Variants in ZNF365 observed in about 807,000 individuals in gnomAD.
ZNF365 encodes the protein protein ZNF365.
A neutral mutation model predicts 35.0 loss-of-function variants in ZNF365; 22 were observed. The ratio of observed to expected loss-of-function variants is 0.63; its 90% CI spans 0.45 to 0.90. The LOEUF is 0.90. Among genes scored for constraint, ZNF365 ranks in the 40% least tolerant of loss-of-function variants. ZNF365 has a pLI of 0.00. For synonymous variants in ZNF365, 188 were observed against 196.2 expected, an observed-to-expected ratio of 0.96 and a Z score of 0.35; for missense variants, 448 against 500.3, an observed-to-expected ratio of 0.90 and a Z score of 1.00.
chr10:62,385,929 C>T (rs1022653815), intron 2 of ZNF365, among the ~76,000 whole-genome samples: 3 of 151,808 alleles, frequency 2.0e-5, no homozygotes, highest in African/African-American at 7.3e-5. Context: ...TGGTTGTTTG[C>T]CCTGTAAGTA....
chr10:62,417,561 T>A (rs1247494491), intron 3 of ZNF365, among the ~76,000 whole-genome samples: 5 of 152,086 alleles, frequency 3.3e-5, no homozygotes, highest in African/African-American at 1.2e-4. Flanking sequence ...TCAGATCTCT[T>A]TCTCCAACTT....
chr10:62,475,126 G>A (rs187947661), intron 4 of ZNF365, among the ~76,000 whole-genome samples: 80 of 152,214 alleles, frequency 5.3e-4, no homozygotes, highest in Non-Finnish European at 8.2e-4. Flanking sequence ...TTCAGGCCAC[G>A]GTCAGCTCCT....
intron 2 of ZNF365, among the ~76,000 whole-genome samples, chr10:62,383,951 A>T (rs1374980142): frequency 6.6e-6 from 1 of 151,698 alleles, no homozygotes; most frequent in Non-Finnish European, 1.5e-5. Flanking sequence ...TATCCATCTG[A>T]CAGATTTCCA....
intron 3 of ZNF365, among the ~76,000 whole-genome samples, chr10:62,389,515 C>T (rs1839589361): frequency 6.6e-6 from 1 of 151,698 alleles, no homozygotes; most frequent in African/African-American, 2.4e-5. Context: ...AACATTTATG[C>T]CGATCAAAAG....
intron 3 of ZNF365, among the ~76,000 whole-genome samples, chr10:62,407,575 GTCTCCTCTCC>G (rs3081228): frequency 1.5e-3 from 225 of 151,472 alleles, no homozygotes; most frequent in African/African-American, 5.1e-3. Flanking sequence ...GGATTTGAGG[GTCTCCTCTCC>G]TCTCCTCTCC....
intron 3 of ZNF365, among the ~76,000 whole-genome samples, chr10:62,423,655 C>T (rs1046904972): frequency 7.9e-5 from 12 of 152,170 alleles, no homozygotes; most frequent in Non-Finnish European, 1.3e-4. Flanking sequence ...ATGAGGGTAG[C>T]GTAGGTGACA....
chr10:62,402,035 G>A lies in ZNF365; in HGVS notation c.*2246G>A. The A allele has an allele frequency of 5.1e-6, 5 of 985,648 alleles. No homozygotes were observed. The highest frequency in any genetic ancestry group is 6.0e-6 in the Non-Finnish European group (5 of 829,906). 61.1% of individuals were successfully genotyped at this position (985,648 alleles called of 1,614,324 possible). A position where few individuals can be genotyped will look rare whatever the true frequency, so the allele number is the denominator to read the frequency against. On this transcript the variant is annotated 3_prime_UTR_variant, in exon 5 of 5. Coordinates refer to ENST00000395254, the MANE Select transcript of ZNF365 (RefSeq NM_014951.3). The stretch of plus-strand genomic sequence containing the variant: ...AACATGGGAGATGGCTTACTCAGAA[G>A]CATACTCCACTTAACATACCATGGC...
intron 3 of ZNF365, among the ~76,000 whole-genome samples, chr10:62,443,741 C>G (rs2203618): frequency 6.6e-6 from 1 of 152,124 alleles, no homozygotes; most frequent in Admixed American, 6.6e-5. Context: ...GTGCTCAGAA[C>G]CCCCACATTG....
At position 62,376,493 on chromosome 10, in the gene ZNF365, C is replaced by G; in HGVS notation, c.300C>G (p.Asn100Lys). Residue 100 changes from asparagine (N) to lysine (K), a missense_variant, in exon 2 of 5, where the codon AAC becomes AAG. Physicochemically the swap from Asn to Lys is moderately conservative, Grantham distance 94. Coordinates refer to ENST00000395254, the MANE Select transcript of ZNF365 (RefSeq NM_014951.3). ...TAAAGCAGAAACCGAGCTATGTTAA[C>G]TTGTACAGCATTTCACATGAACATT... Reference protein sequence around the residue: ...NVVKQKPSYVNLYSISHEHSK... With the variant: ...NVVKQKPSYVKLYSISHEHSK... 1 of 1,614,144 alleles carries G rather than the reference C, an allele frequency of 6.2e-7. No individual in the cohort carries two copies.
chr10:62,385,645 G>A (rs1013679488), intron 2 of ZNF365, among the ~76,000 whole-genome samples: 1 of 152,108 alleles, frequency 6.6e-6, no homozygotes, highest in Non-Finnish European at 1.5e-5. Context: ...TTGCTTCTGA[G>A]TGGTGGGATT....
chr10:62,480,008 C>T, exon 5 of ZNF365: 4 of 1,531,132 alleles, frequency 2.6e-6, no homozygotes, highest in African/African-American at 2.8e-5. Flanking sequence ...GCATGTTTTA[C>T]ACTCCAGGAA....
At chr10:62,459,605 T>C in intron 3 of ZNF365, 2 of 997,906 alleles carry the variant, frequency 2.0e-6, no homozygotes, top group Non-Finnish European at 2.9e-6. Flanking sequence ...GCAATTTCTG[T>C]TTCTAGCCTG....
At chr10:62,478,116 G>T (rs763889657) in intron 4 of ZNF365, among the ~76,000 whole-genome samples, 6 of 152,168 alleles carry the variant, frequency 3.9e-5, no homozygotes, top group Non-Finnish European at 7.4e-5. Context: ...ATCTTCAGGT[G>T]ATAGGAGACA....
intron 3 of ZNF365, among the ~76,000 whole-genome samples, chr10:62,397,728 A>G (rs1249929033): frequency 2.0e-5 from 3 of 152,176 alleles, no homozygotes; most frequent in Admixed American, 6.5e-5. Context: ...TGTTCTTCAT[A>G]TTCTCTCATT....
At chr10:62,419,952 G>C (rs967104935) in intron 3 of ZNF365, among the ~76,000 whole-genome samples, 1 of 151,798 alleles carries the variant, frequency 6.6e-6, no homozygotes, top group Non-Finnish European at 1.5e-5. Context: ...ATCAATTCCT[G>C]GTTTGCTAAG....
At chr10:62,379,498 G>C (rs533711272) in intron 2 of ZNF365, among the ~76,000 whole-genome samples, 1 of 151,476 alleles carries the variant, frequency 6.6e-6, no homozygotes, top group African/African-American at 2.4e-5. Flanking sequence ...ATCAGTTTCT[G>C]TATTCAGGCC....
chr10:62,468,683 C>G (rs1476301562), intron 4 of ZNF365, among the ~76,000 whole-genome samples: 3 of 152,144 alleles, frequency 2.0e-5, no homozygotes, highest in South Asian at 2.1e-4. Context: ...GAAGATGAAG[C>G]CTTCAGCGGC....
intron 3 of ZNF365, among the ~76,000 whole-genome samples, chr10:62,392,322 G>A (rs1159299702): frequency 6.6e-6 from 1 of 152,152 alleles, no homozygotes; most frequent in African/African-American, 2.4e-5. Context: ...CTAAGCCATT[G>A]TCTAGAAGGG....
rs1301797455 is a variant in ZNF365 at position 62,400,907 on chromosome 10, A to G, written c.*1118A>G. On this transcript the variant is annotated 3_prime_UTR_variant, in exon 5 of 5. Coordinates refer to ENST00000395254, the MANE Select transcript of ZNF365 (RefSeq NM_014951.3). The stretch of plus-strand genomic sequence containing the variant: ...AAGTAATTTCTGAAATAAACAATGC[A>G]TGTAGGAGCCAGAATCTGACACTGT... 4 of 985,434 alleles carry G rather than the reference A, an allele frequency of 4.1e-6. No homozygotes were observed. The highest frequency in any genetic ancestry group is 4.8e-6 in the Non-Finnish European group (4 of 829,938). 61.0% of individuals were successfully genotyped at this position (985,434 alleles called of 1,614,324 possible).
Sources: gnomAD v4.1 joint callset for allele counts (sites outside exome capture counted in the v4.1 genomes callset) on GRCh38, gnomAD v4.1.1 for gene constraint, MANE v1.5 for transcripts, NCBI Gene and HGNC (gene_info 2026-07-23, HGNC 2026-07-21) for gene names.